Variants in DPYD observed in about 807,000 individuals in gnomAD.
DPYD encodes the protein dihydropyrimidine dehydrogenase.
DPYD carries 109 observed loss-of-function variants against 116.2 expected under a neutral mutation model. That is an observed-to-expected ratio of 0.94 (90% CI 0.80 to 1.10). The LOEUF (loss-of-function observed/expected upper bound fraction) is 1.10, where lower values mean the gene tolerates loss of function less well. Ranked by LOEUF, DPYD falls within the 50% of genes least tolerant of loss-of-function variation. The probability of loss-of-function intolerance (pLI) is 0.00; values close to 1 mark genes in which losing one functional copy is unlikely to be tolerated. For missense variants in DPYD, 1,302 were observed against 1,254.5 expected, an observed-to-expected ratio of 1.04 and a Z score of -0.57; for synonymous variants, 440 against 432.0, an observed-to-expected ratio of 1.02 and a Z score of -0.23.
chr1:97,089,801 G>T (rs1251103593), intron 21 of DPYD, among the ~76,000 whole-genome samples: 1 of 150,622 alleles, frequency 6.6e-6, no homozygotes, highest in East Asian at 2.0e-4. Context: ...GGGGTAGGAC[G>T]GAGGGCCTCT....
intron 14 of DPYD, among the ~76,000 whole-genome samples, chr1:97,400,752 A>G (rs1673325322): frequency 6.6e-6 from 1 of 152,126 alleles, no homozygotes; most frequent in Admixed American, 6.6e-5. Context: ...TGTTTATAGT[A>G]TTCTCTGATG....
intron 9 of DPYD, 118 bp downstream of exon 9, chr1:97,594,941 C>G: frequency 4.3e-4 from 231 of 536,654 alleles, no homozygotes; most frequent in East Asian, 7.6e-4. Flanking sequence ...ACATTTGGGT[C>G]TTAGGCAAGG....
intron 12 of DPYD, among the ~76,000 whole-genome samples, chr1:97,527,633 C>G (rs1649246927): frequency 6.6e-6 from 1 of 151,934 alleles, no homozygotes; most frequent in Admixed American, 6.6e-5. Flanking sequence ...AATTATTACT[C>G]TTTACCACTG....
intron 4 of DPYD, among the ~76,000 whole-genome samples, chr1:97,735,120 C>A (rs145647177): frequency 6.6e-6 from 1 of 152,220 alleles, no homozygotes; most frequent in East Asian, 1.9e-4. Flanking sequence ...AGAGGACTGG[C>A]GGTAAAGCCA....
At chr1:97,553,668 T>C (rs1184423029) in intron 11 of DPYD, among the ~76,000 whole-genome samples, 5 of 152,070 alleles carry the variant, frequency 3.3e-5, no homozygotes, top group Admixed American at 6.6e-5. Context: ...ATTATTCCTT[T>C]CTTGTTTATA....
intron 2 of DPYD, among the ~76,000 whole-genome samples, chr1:97,839,200 T>C (rs1485192430): frequency 6.6e-6 from 1 of 152,208 alleles, no homozygotes; most frequent in Non-Finnish European, 1.5e-5. Context: ...ATATAAAGCA[T>C]GTTGAAAATT....
intron 20 of DPYD, among the ~76,000 whole-genome samples, chr1:97,173,173 C>CAT (rs1557911092): frequency 1.3e-5 from 2 of 150,828 alleles, no homozygotes; most frequent in Non-Finnish European, 3.0e-5. Flanking sequence ...TATATGTACA[C>CAT]ATGTATACAT....
intron 16 of DPYD, among the ~76,000 whole-genome samples, chr1:97,335,345 C>CGAT (rs1491433383): frequency 2.7e-5 from 4 of 148,698 alleles, no homozygotes; most frequent in African/African-American, 9.9e-5. Flanking sequence ...CACACACACA[C>CGAT]GATGCCTGGG....
At chr1:97,894,764 CA>C (rs1558037622) in intron 1 of DPYD, among the ~76,000 whole-genome samples, 1 of 151,240 alleles carries the variant, frequency 6.6e-6, no homozygotes, top group Admixed American at 6.6e-5. Flanking sequence ...AAAGAGATAT[CA>C]AAAATATATA....
intron 18 of DPYD, among the ~76,000 whole-genome samples, chr1:97,255,592 T>A (rs1437990863): frequency 6.6e-6 from 1 of 152,170 alleles, no homozygotes; most frequent in Non-Finnish European, 1.5e-5. Context: ...CCCAGCCATG[T>A]GGAACTGTAA....
chr1:97,560,064 T>C (rs1201171850), intron 11 of DPYD, among the ~76,000 whole-genome samples: 1 of 152,036 alleles, frequency 6.6e-6, no homozygotes, highest in South Asian at 2.1e-4. Flanking sequence ...GCCTGAAAAA[T>C]CCACAGAAGC....
intron 16 of DPYD, among the ~76,000 whole-genome samples, chr1:97,325,514 C>T (rs1263560108): frequency 2.0e-5 from 3 of 152,040 alleles, no homozygotes; most frequent in Non-Finnish European, 4.4e-5. Context: ...CTGCCTCTAA[C>T]CATGAAAGCT....
rs75649203 is a variant in DPYD at position 97,388,614 on chromosome 1, G to A, written c.1906-6153C>T. ...GGATTTGAAGAGACAAAAACCATTC[G>A]TAACCTTTAAAACAGGGGTTTCAGG... On this transcript the variant is annotated intron_variant, in intron 14 of 22. Coordinates refer to ENST00000370192, the MANE Select transcript of DPYD (RefSeq NM_000110.4). Among the ~76,000 whole-genome samples, 426 of 152,180 alleles carry A rather than the reference G, an allele frequency of 2.8e-3. 1 individual carries two copies. Among genetic ancestry groups the A allele is most frequent in the African/African-American group, 9.8e-3 (408 of 41,532 alleles).
intron 13 of DPYD, among the ~76,000 whole-genome samples, chr1:97,475,515 T>C (rs1044677471): frequency 1.3e-5 from 2 of 152,196 alleles, no homozygotes; most frequent in Non-Finnish European, 2.9e-5. Flanking sequence ...ATTAATGTTC[T>C]TGATATATTG....
At chr1:97,715,313 C>T (rs1288814500) in intron 5 of DPYD, among the ~76,000 whole-genome samples, 2 of 152,124 alleles carry the variant, frequency 1.3e-5, no homozygotes, top group East Asian at 3.9e-4. Flanking sequence ...GTCTAATCAC[C>T]TCCAAAACCA....
chr1:97,596,397 A>T (rs1357343143), intron 8 of DPYD, among the ~76,000 whole-genome samples: 2 of 152,230 alleles, frequency 1.3e-5, no homozygotes, highest in East Asian at 3.8e-4. Context: ...ATAAATTAGT[A>T]AATTCTTACC....
intron 14 of DPYD, among the ~76,000 whole-genome samples, chr1:97,397,779 T>C (rs907990038): frequency 6.6e-6 from 1 of 152,120 alleles, no homozygotes; most frequent in African/African-American, 2.4e-5. Context: ...ATATTTTGGT[T>C]ACTTCCCAGT....
intron 2 of DPYD, among the ~76,000 whole-genome samples, chr1:97,838,267 T>C (rs1351271636): frequency 2.0e-5 from 3 of 152,212 alleles, no homozygotes; most frequent in Non-Finnish European, 4.4e-5. Flanking sequence ...GTTCTCTAAA[T>C]ACTTTAATGC....
At chr1:97,600,046 AAAAAAC>A (rs961442801) in intron 8 of DPYD, among the ~76,000 whole-genome samples, 29 of 151,934 alleles carry the variant, frequency 1.9e-4, no homozygotes, top group South Asian at 4.2e-4. Flanking sequence ...CTCTGTCTCA[AAAAAAC>A]AAAAACAAAA....
Sources: gnomAD v4.1 joint callset for allele counts (sites outside exome capture counted in the v4.1 genomes callset) on GRCh38, gnomAD v4.1.1 for gene constraint, MANE v1.5 for transcripts, NCBI Gene and HGNC (gene_info 2026-07-23, HGNC 2026-07-21) for gene names.